EPHA5: variants seen among roughly 807,000 people sequenced by gnomAD.
EPHA5 encodes the protein ephrin type-A receptor 5.
A neutral mutation model predicts 105.0 loss-of-function variants in EPHA5; 60 were observed. The ratio of observed to expected loss-of-function variants is 0.57; its 90% CI spans 0.46 to 0.71. The LOEUF is 0.71. Among genes scored for constraint, EPHA5 ranks in the 30% least tolerant of loss-of-function variants. The pLI is 0.00. For synonymous variants in EPHA5, 513 were observed against 449.1 expected (o/e 1.14, Z -1.80); for missense variants, 1,218 against 1,274.7 (o/e 0.96, Z 0.68).
chr4:65,551,000 TTA>T (rs80172072), intron 3 of EPHA5, among the ~76,000 whole-genome samples: 12 of 151,116 alleles, frequency 7.9e-5, no homozygotes, highest in Admixed American at 1.3e-4. Flanking sequence ...TATTTGTGCA[TTA>T]TATATATATA....
intron 1 of EPHA5, among the ~76,000 whole-genome samples, chr4:65,656,954 T>TG (rs34975468): frequency 0.13 from 8,632 of 67,404 alleles, 319 homozygotes; most frequent in East Asian, 0.22. Flanking sequence ...CGTGTGTGTG[T>TG]TTTTTTTTTT....
chr4:65,576,057 A>AG (rs1283518104), intron 3 of EPHA5, among the ~76,000 whole-genome samples: 9 of 70,968 alleles, frequency 1.3e-4, no homozygotes, highest in Admixed American at 4.1e-4. Flanking sequence ...AAAGAAAGAA[A>AG]GAAAAGAAAA....
intron 3 of EPHA5, among the ~76,000 whole-genome samples, chr4:65,523,128 T>G (rs1734920590): frequency 6.6e-6 from 1 of 152,118 alleles, no homozygotes; most frequent in Non-Finnish European, 1.5e-5. Flanking sequence ...ATATATTATT[T>G]AATGTATGTT....
At chr4:65,536,931 T>C (rs539003964) in intron 3 of EPHA5, among the ~76,000 whole-genome samples, 2 of 151,842 alleles carry the variant, frequency 1.3e-5, no homozygotes, top group African/African-American at 4.8e-5. Flanking sequence ...GTGTGTCTGT[T>C]AGAATGGTGT....
At chr4:65,570,891 C>T (rs1740095973) in intron 3 of EPHA5, among the ~76,000 whole-genome samples, 1 of 151,880 alleles carries the variant, frequency 6.6e-6, no homozygotes, top group South Asian at 2.1e-4. Context: ...TGGAAGATAG[C>T]AATGGAGATT....
rs1018015570 is a variant in EPHA5 at position 65,327,172 on chromosome 4, A to T, written c.2946-2953T>A. On this transcript the variant is annotated intron_variant, in intron 16 of 16. Coordinates refer to ENST00000613740, the MANE Select transcript of EPHA5 (RefSeq NM_001281766.3). ...ATATCATACTAAAGAATTGTGAGAA[A>T]TTTTATTTGATTAATAAATGTGGGT... Among the ~76,000 whole-genome samples the T allele has an allele frequency of 2.6e-5, 4 of 151,254 alleles. No homozygotes were observed. In the East Asian group the frequency reaches 7.8e-4, roughly 29 times the overall value.
chr4:65,493,855 G>C (rs1731666115), intron 4 of EPHA5, among the ~76,000 whole-genome samples: 1 of 151,642 alleles, frequency 6.6e-6, no homozygotes, highest in Non-Finnish European at 1.5e-5. Flanking sequence ...ATAATGGGTA[G>C]ACCACTTAAA....
chr4:65,646,640 T>C (rs2149520468), intron 1 of EPHA5, among the ~76,000 whole-genome samples: 1 of 152,242 alleles, frequency 6.6e-6, no homozygotes, highest in Admixed American at 6.5e-5. Context: ...CACTAGAAAT[T>C]TTCTACTTTC....
At chr4:65,452,129 C>T (rs954706439) in intron 5 of EPHA5, among the ~76,000 whole-genome samples, 2 of 151,922 alleles carry the variant, frequency 1.3e-5, no homozygotes, top group South Asian at 4.1e-4. Flanking sequence ...AAATTAATTC[C>T]ATTGAAAAGT....
intron 3 of EPHA5, among the ~76,000 whole-genome samples, chr4:65,543,489 TA>T (rs1737051336): frequency 6.6e-6 from 1 of 151,812 alleles, no homozygotes; most frequent in African/African-American, 2.4e-5. Flanking sequence ...ATAAATAGAA[TA>T]AAATACTTAG....
intron 1 of EPHA5, among the ~76,000 whole-genome samples, chr4:65,646,887 G>A (rs1053706068): frequency 1.3e-5 from 2 of 152,014 alleles, no homozygotes; most frequent in Admixed American, 6.6e-5. Context: ...TCACATAACC[G>A]ATATAATTAT....
At chr4:65,503,326 A>G (rs77219025) in intron 3 of EPHA5, among the ~76,000 whole-genome samples, 18,227 of 151,754 alleles carry the variant, frequency 0.12, 1,383 homozygotes, top group Middle Eastern at 0.27. Context: ...AGTTGTTATT[A>G]GGTTAAAACA....
intron 2 of EPHA5, among the ~76,000 whole-genome samples, chr4:65,637,569 C>CAT (rs34456844): frequency 0.28 from 31,941 of 112,136 alleles, 4,882 homozygotes; most frequent in East Asian, 0.5. Context: ...ATGAGTTTTG[C>CAT]ATATATATAT....
At chr4:65,527,009 A>G (rs903076108) in intron 3 of EPHA5, among the ~76,000 whole-genome samples, 1 of 152,058 alleles carries the variant, frequency 6.6e-6, no homozygotes, top group African/African-American at 2.4e-5. Flanking sequence ...ACCATTTCAA[A>G]TAAATCAGAC....
chr4:65,448,328 T>C (rs142150974), intron 5 of EPHA5, among the ~76,000 whole-genome samples: 1 of 152,030 alleles, frequency 6.6e-6, no homozygotes, highest in East Asian at 1.9e-4. Flanking sequence ...ACATTGTAAT[T>C]ATTATATTTA....
chr4:65,610,425 C>A (rs1744660096), intron 2 of EPHA5, among the ~76,000 whole-genome samples: 1 of 152,058 alleles, frequency 6.6e-6, no homozygotes, highest in African/African-American at 2.4e-5. Flanking sequence ...ACTATGCTCA[C>A]TATCTGAGTG....
At chr4:65,354,083 C>A (rs1723080155) in intron 11 of EPHA5, among the ~76,000 whole-genome samples, 1 of 151,702 alleles carries the variant, frequency 6.6e-6, no homozygotes, top group Non-Finnish European at 1.5e-5. Context: ...CCTCAGTTTT[C>A]TCATATGTAA....
chr4:65,596,586 A>G (rs545627445), intron 3 of EPHA5, among the ~76,000 whole-genome samples: 2 of 152,180 alleles, frequency 1.3e-5, no homozygotes, highest in East Asian at 1.9e-4. Flanking sequence ...AAATGGGGGG[A>G]AAAAGACTAT....
intron 5 of EPHA5, among the ~76,000 whole-genome samples, chr4:65,468,679 C>A (rs1266697825): frequency 0.072 from 77 of 1,076 alleles, no homozygotes; most frequent in South Asian, 0.38. Flanking sequence ...AACATATATA[C>A]ATATATATAT....
Sources: gnomAD v4.1 joint callset for allele counts (sites outside exome capture counted in the v4.1 genomes callset) on GRCh38, gnomAD v4.1.1 for gene constraint, MANE v1.5 for transcripts, NCBI Gene and HGNC (gene_info 2026-07-23, HGNC 2026-07-21) for gene names.